The following SPIDR variants were observed in gnomAD, a reference collection of about 807,000 sequenced individuals.
SPIDR encodes DNA repair-scaffolding protein.
SPIDR carries 93 observed loss-of-function variants against 104.6 expected under a neutral mutation model. That is an observed-to-expected ratio of 0.89 (90% CI 0.75 to 1.06). The LOEUF is 1.06. Among genes scored for constraint, SPIDR ranks in the 50% least tolerant of loss-of-function variants. SPIDR has a pLI of 0.00. For missense variants in SPIDR, 1,154 were observed against 1,111.2 expected (o/e 1.04, Z -0.55); for synonymous variants, 431 against 416.9 (o/e 1.03, Z -0.41).
intron 8 of SPIDR, among the ~76,000 whole-genome samples, chr8:47,591,902 G>A (rs532069223): frequency 1.2e-4 from 18 of 151,842 alleles, no homozygotes; most frequent in Non-Finnish European, 2.4e-4. Flanking sequence ...GGGCGGGGGG[G>A]CACTGCTTTT....
chr8:47,627,925 GC>G (rs2066455172), intron 10 of SPIDR, among the ~76,000 whole-genome samples: 2 of 152,198 alleles, frequency 1.3e-5, no homozygotes, highest in Non-Finnish European at 2.9e-5. Flanking sequence ...AGCCTGGGCT[GC>G]CTGGTAGTGC....
At chr8:47,405,433 G>T (rs1265253012) in intron 6 of SPIDR, among the ~76,000 whole-genome samples, 1 of 151,542 alleles carries the variant, frequency 6.6e-6, no homozygotes, top group East Asian at 1.9e-4. Context: ...TTAAAATATT[G>T]TATTTACAGT....
Position 47,735,670 on chromosome 8 carries a change from A to T in SPIDR, c.*220A>T. 1.0e-6 allele frequency: 1 copy of T among 991,290 alleles called. No individual in the cohort carries two copies. The highest frequency in any genetic ancestry group is 1.4e-6 in the Non-Finnish European group (1 of 699,494). 61.4% of individuals were successfully genotyped at this position (991,290 alleles called of 1,614,324 possible). On this transcript the variant is annotated 3_prime_UTR_variant, in exon 20 of 20. Transcript: ENST00000297423. ...TTTATCTTTTATTTTCTGCAAATTT[A>T]GGAACATATTTACTCGTTTTCACAT...
At chr8:47,261,987 T>C (rs1350416760) in intron 1 of SPIDR, among the ~76,000 whole-genome samples, 3 of 152,264 alleles carry the variant, frequency 2.0e-5, no homozygotes, top group African/African-American at 7.2e-5. Context: ...CACCTGCTTT[T>C]ATTTCTTTTG....
intron 8 of SPIDR, among the ~76,000 whole-genome samples, chr8:47,465,975 TC>T (rs1449401531): frequency 1.3e-5 from 2 of 151,704 alleles, no homozygotes; most frequent in East Asian, 3.9e-4. Context: ...AAGACATAAC[TC>T]CCCTAAATAT....
At chr8:47,266,701 G>T (rs1027661981) in intron 1 of SPIDR, among the ~76,000 whole-genome samples, 1 of 152,100 alleles carries the variant, frequency 6.6e-6, no homozygotes, top group African/African-American at 2.4e-5. Context: ...TTCCAAAGTG[G>T]TTATATCTGT....
intron 8 of SPIDR, chr8:47,592,119 A>T (rs2061094557): frequency 7.3e-7 from 1 of 1,377,580 alleles, no homozygotes; most frequent in African/African-American, 1.4e-5. Flanking sequence ...AGGAGAAGTG[A>T]TGCACACTTG....
intron 8 of SPIDR, among the ~76,000 whole-genome samples, chr8:47,542,170 CTT>C (rs56074927): frequency 3.5e-4 from 49 of 139,312 alleles, no homozygotes; most frequent in Non-Finnish European, 3.9e-4. Context: ...CTGTCATTTT[CTT>C]TTTTTTTTTT....
chr8:47,560,603 G>A (rs2056943444), intron 8 of SPIDR, among the ~76,000 whole-genome samples: 1 of 152,194 alleles, frequency 6.6e-6, no homozygotes, highest in African/African-American at 2.4e-5. Context: ...TGTTCCCACA[G>A]AATTACATGT....
chr8:47,728,886 C>T, intron 17 of SPIDR, 47 bp from the exon 18 acceptor site: 1 of 1,569,654 alleles, frequency 6.4e-7, no homozygotes, highest in South Asian at 1.2e-5. Context: ...GCTTTCCTGA[C>T]TTGTGCCTCC....
At chr8:47,432,915 GTAC>G (rs1466005887) in intron 7 of SPIDR, among the ~76,000 whole-genome samples, 1 of 152,120 alleles carries the variant, frequency 6.6e-6, no homozygotes, top group African/African-American at 2.4e-5. Flanking sequence ...GAAGAATCAG[GTAC>G]TAGACTGGGG....
chr8:47,389,546 G>A (rs1209037549), intron 5 of SPIDR, among the ~76,000 whole-genome samples: 1 of 151,860 alleles, frequency 6.6e-6, no homozygotes, highest in Non-Finnish European at 1.5e-5. Context: ...AAAATTAGCT[G>A]GGCGTGGTGG....
chr8:47,615,697 A>G (rs2064211820), intron 10 of SPIDR, among the ~76,000 whole-genome samples: 1 of 151,966 alleles, frequency 6.6e-6, no homozygotes, highest in Non-Finnish European at 1.5e-5. Flanking sequence ...TTAGTGGAAA[A>G]GGAGTTTCGC....
chr8:47,496,718 C>CTTT (rs71225690), intron 8 of SPIDR, among the ~76,000 whole-genome samples: 5 of 110,646 alleles, frequency 4.5e-5, no homozygotes, highest in East Asian at 2.7e-4. Flanking sequence ...ATTCCCTACT[C>CTTT]TTTTTTTTTT....
At position 47,729,036 on chromosome 8, in the gene SPIDR, G is replaced by C; in HGVS notation, c.2539G>C (p.Val847Leu). The C allele has an allele frequency of 6.2e-7, 1 of 1,613,952 alleles. No individual in the cohort carries two copies. The highest frequency in any genetic ancestry group is 8.5e-7 in the Non-Finnish European group (1 of 1,180,012). ...CTGCCGCTCAAGACCGCAGTGCAGA[G>C]TGAAGGTCAAGGTAGGAGCCAGGCC... The part of the protein sequence containing the change: ...LDCRSRPQCR[V>L]KVKLLQRSIS... Residue 847 changes from valine to leucine, a missense_variant, in exon 18 of 20, where the codon GTG (valine) becomes CTG (leucine). By Grantham distance (32) the Val-to-Leu change is conservative (BLOSUM62 1). Coordinates refer to ENST00000297423, the MANE Select transcript of SPIDR (RefSeq NM_001080394.4).
chr8:47,483,138 G>GTTTGTTTTGT (rs150219948), intron 8 of SPIDR, among the ~76,000 whole-genome samples: 82 of 151,012 alleles, frequency 5.4e-4, no homozygotes, highest in South Asian at 1.5e-3. Context: ...GTTTTTTTTT[G>GTTTGTTTTGT]TTTGTTTTGT....
intron 8 of SPIDR, among the ~76,000 whole-genome samples, chr8:47,526,662 GAACATCCAGGAACTGT>G (rs1423426690): frequency 3.0e-4 from 46 of 152,300 alleles, no homozygotes; most frequent in African/African-American, 1.1e-3. Context: ...TGTGGCAACT[GAACATCCAGGAACTGT>G]AACAAGACAG....
chr8:47,524,385 G>A (rs1304551194), intron 8 of SPIDR, among the ~76,000 whole-genome samples: 4 of 152,204 alleles, frequency 2.6e-5, no homozygotes, highest in Non-Finnish European at 4.4e-5. Context: ...ATTAAAATGT[G>A]TGTATTTGGC....
chr8:47,601,996 AC>A (rs1260291824), intron 10 of SPIDR, among the ~76,000 whole-genome samples: 1 of 151,634 alleles, frequency 6.6e-6, no homozygotes, highest in Non-Finnish European at 1.5e-5. Context: ...GTAAAACTGT[AC>A]TTTATTCACT....
Sources: allele counts gnomAD v4.1 joint callset (sites outside exome capture counted in the v4.1 genomes callset), GRCh38; gene constraint gnomAD v4.1.1; transcripts MANE v1.5; gene names NCBI Gene and HGNC (gene_info 2026-07-23, HGNC 2026-07-21).